Variants in GALNT10 observed in about 807,000 individuals in gnomAD.
The protein encoded by GALNT10 is polypeptide N-acetylgalactosaminyltransferase 10.
A neutral mutation model predicts 75.0 loss-of-function variants in GALNT10; 41 were observed. The observed-to-expected ratio is 0.55, with a 90% CI of 0.43 to 0.71. GALNT10 has a LOEUF of 0.71. Ranked by LOEUF, GALNT10 falls within the 30% of genes least tolerant of loss-of-function variation. The pLI is 0.00. For synonymous variants in GALNT10, 302 were observed against 313.0 expected (o/e 0.96, Z 0.37); for missense variants, 727 against 818.5 (o/e 0.89, Z 1.36).
intron 1 of GALNT10, among the ~76,000 whole-genome samples, chr5:154,213,799 C>A (rs922573628): frequency 1.3e-5 from 2 of 152,144 alleles, no homozygotes; most frequent in African/African-American, 4.8e-5. Context: ...CCAGGCTGGT[C>A]TCAAGACTCC....
rs1554101653 is a variant in GALNT10 at position 154,393,067 on chromosome 5, A to AAACCAC, written c.1056+6639_1056+6640insCCACAA. 6.9e-5 allele frequency: 8 copies of AAACCAC among 116,558 alleles called. No individual in the cohort carries two copies. In the East Asian group the frequency reaches 1.5e-3, roughly 23 times the overall value. The allele number at this position is 116,558 out of a possible 1,614,324, so 7.2% of individuals were successfully genotyped here. On this transcript the variant is annotated intron_variant, in intron 7 of 11. Coordinates refer to ENST00000297107, the MANE Select transcript of GALNT10 (RefSeq NM_198321.4). ...AATTGGAGGTCTCCACAAAAAAAAA[A>AAACCAC]AAAAAAAAAAACCCATTTTTTTTCA...
intron 1 of GALNT10, among the ~76,000 whole-genome samples, chr5:154,244,178 C>T (rs1753385801): frequency 6.6e-6 from 1 of 152,204 alleles, no homozygotes; most frequent in African/African-American, 2.4e-5. Flanking sequence ...AATGGAGTGA[C>T]CGCCTAGCAA....
At chr5:154,403,098 TCTATTTCTTTA>T (rs1343327487) in intron 7 of GALNT10, among the ~76,000 whole-genome samples, 1 of 152,222 alleles carries the variant, frequency 6.6e-6, no homozygotes, top group Non-Finnish European at 1.5e-5. Context: ...TCCTGCCTCC[TCTATTTCTTTA>T]CAGGAAACTG....
rs752778520 is a variant in GALNT10 at position 154,404,201 on chromosome 5, G to C, written c.1154G>C (p.Ser385Thr). ...YVPYKVPAGV[S>T]LARNLKRVAE... is the part of the protein sequence containing the mutation. The stretch of plus-strand genomic sequence containing the variant: ...CCCTACAAGGTCCCGGCCGGAGTCA[G>C]CCTGGCCCGGGTAAGGTGGTGGCTT... The change falls in exon 8 of 12, where the codon AGC becomes ACC. Residue 385 changes from serine to threonine, a missense_variant. Coordinates refer to ENST00000297107, the MANE Select transcript of GALNT10 (RefSeq NM_198321.4). The C allele has an allele frequency of 6.3e-7, 1 of 1,594,450 alleles. No homozygotes were observed. The highest frequency in any genetic ancestry group is 2.2e-5 in the East Asian group (1 of 44,776).
At chr5:154,358,166 G>A (rs1353271423) in intron 4 of GALNT10, among the ~76,000 whole-genome samples, 1 of 152,180 alleles carries the variant, frequency 6.6e-6, no homozygotes, top group Admixed American at 6.5e-5. Context: ...CACTGGGAGG[G>A]AATTGTGTGT....
At chr5:154,213,505 T>C (rs1752814597) in intron 1 of GALNT10, among the ~76,000 whole-genome samples, 1 of 152,198 alleles carries the variant, frequency 6.6e-6, no homozygotes, top group Admixed American at 6.5e-5. Context: ...TCTTTGGAAA[T>C]GCTTTCCCTC....
intron 10 of GALNT10, among the ~76,000 whole-genome samples, chr5:154,415,464 G>A (rs541000304): frequency 2.5e-4 from 38 of 152,022 alleles, no homozygotes; most frequent in African/African-American, 8.9e-4. Context: ...TCAGCCTCCC[G>A]AGTAGGTGGA....
chr5:154,363,513 A>G (rs1315321928), intron 4 of GALNT10, among the ~76,000 whole-genome samples: 6 of 147,360 alleles, frequency 4.1e-5, no homozygotes, highest in Non-Finnish European at 6.0e-5. Context: ...AAAAAAAAAA[A>G]AAAAAAAAGG....
intron 6 of GALNT10, among the ~76,000 whole-genome samples, chr5:154,382,216 GT>G (rs1195944163): frequency 6.6e-6 from 1 of 152,258 alleles, no homozygotes. Context: ...GGTAGAAAGA[GT>G]TGGGTTCTTT....
rs113288552 is a variant in GALNT10, at chr5:154,224,471, G to A, written c.159+33446G>A. Among the ~76,000 whole-genome samples, 1,025 of 152,296 alleles carry A rather than the reference G, an allele frequency of 6.7e-3. 16 individuals are homozygous for A. Among genetic ancestry groups the A allele is most frequent in the African/African-American group, 0.023 (972 of 41,560 alleles). On this transcript the variant is annotated intron_variant, in intron 1 of 11. Transcript: ENST00000297107. ...TGCTCTCAGACGTAACAAGGGAGAA[G>A]AGAGAAACTCAATTTGTCCAGCTTG...
chr5:154,270,635 CCTT>C (rs768590366), intron 1 of GALNT10, among the ~76,000 whole-genome samples: 3 of 152,096 alleles, frequency 2.0e-5, no homozygotes, highest in South Asian at 2.1e-4. Flanking sequence ...GAAGTATCCT[CCTT>C]CTTCTCCAGA....
chr5:154,332,598 T>C (rs966694805), intron 4 of GALNT10, among the ~76,000 whole-genome samples: 3 of 152,294 alleles, frequency 2.0e-5, no homozygotes, highest in East Asian at 1.9e-4. Flanking sequence ...ACTAGACCAC[T>C]TGTGGTCTGG....
At chr5:154,317,760 T>G (rs1754615822) in intron 3 of GALNT10, among the ~76,000 whole-genome samples, 1 of 152,192 alleles carries the variant, frequency 6.6e-6, no homozygotes, top group Admixed American at 6.5e-5. Flanking sequence ...CAAACTGACT[T>G]AAGTAAAGAA....
intron 1 of GALNT10, among the ~76,000 whole-genome samples, chr5:154,203,750 G>A (rs557799146): frequency 6.6e-6 from 1 of 152,330 alleles, no homozygotes; most frequent in East Asian, 1.9e-4. Flanking sequence ...CACTCCCTTG[G>A]ATGAGGCTCC....
At chr5:154,314,403 T>G (rs1257334785) in intron 3 of GALNT10, among the ~76,000 whole-genome samples, 1 of 152,164 alleles carries the variant, frequency 6.6e-6, no homozygotes, top group Non-Finnish European at 1.5e-5. Flanking sequence ...GGATATGCTG[T>G]CTCCCTCTGT....
chr5:154,249,008 G>T (rs1413952378), intron 1 of GALNT10, among the ~76,000 whole-genome samples: 2 of 152,258 alleles, frequency 1.3e-5, no homozygotes, highest in Admixed American at 6.5e-5. Flanking sequence ...GCTCTCAGTA[G>T]CTTTGCAGCT....
chr5:154,203,426 CA>C (rs1775057174), intron 1 of GALNT10, among the ~76,000 whole-genome samples: 1 of 152,176 alleles, frequency 6.6e-6, no homozygotes, highest in Non-Finnish European at 1.5e-5. Flanking sequence ...AAATGGTTAC[CA>C]TCTTTGACTT....
In GALNT10 at chr5:154,340,787, T is replaced by C. The variant is rs532296243; in HGVS notation, c.568+11049T>C. Among the ~76,000 whole-genome samples, 3 of 152,292 alleles carry C rather than the reference T, an allele frequency of 2.0e-5. No homozygotes were observed. In the South Asian group the frequency reaches 6.2e-4, roughly 32 times the overall value. On this transcript the variant is annotated intron_variant, in intron 4 of 11. Transcript: ENST00000297107. ...AACCACAACTCCAGAGTTAATTATG[T>C]TTTGATTTGAATCTGGAGGCACCTT...
intron 6 of GALNT10, 137 bp downstream of exon 6, chr5:154,380,768 G>A (rs1561677220): frequency 9.9e-6 from 6 of 603,976 alleles, no homozygotes; most frequent in Non-Finnish European, 1.7e-5. Flanking sequence ...AGTACCAAGT[G>A]TCAGATATCC....
Sources: allele counts gnomAD v4.1 joint callset (sites outside exome capture counted in the v4.1 genomes callset), GRCh38; gene constraint gnomAD v4.1.1; transcripts MANE v1.5; gene names NCBI Gene and HGNC (gene_info 2026-07-23, HGNC 2026-07-21).